HYAL1: variants seen among roughly 807,000 people sequenced by gnomAD.
HYAL1 encodes the protein hyaluronidase 1.
HYAL1 carries 21 observed loss-of-function variants against 28.8 expected under a neutral mutation model. The observed-to-expected ratio is 0.73, with a 90% CI of 0.52 to 1.05. The LOEUF (loss-of-function observed/expected upper bound fraction) is 1.05, where lower values mean the gene tolerates loss of function less well. HYAL1 is among the 50% of genes least tolerant of loss of function. The probability of loss-of-function intolerance (pLI) is 0.00; values close to 1 mark genes in which losing one functional copy is unlikely to be tolerated. For missense variants in HYAL1, 491 were observed against 579.2 expected, an observed-to-expected ratio of 0.85 and a Z score of 1.56; for synonymous variants, 200 against 230.1, an observed-to-expected ratio of 0.87 and a Z score of 1.18.
Position 50,301,094 on chromosome 3 carries a change from A to G in HYAL1, c.901-17T>C. ...CAGCTCATCCTGGGAAGGAGACAGC[A>G]CAGCTCTGTGGGGCCTCCTTCCCAC... On this transcript the variant is annotated splice_polypyrimidine_tract_variant and intron_variant, in intron 2 of 3. Transcript: ENST00000395144. 6.4e-7 allele frequency: 1 copy of G among 1,571,892 alleles called. No individual in the cohort carries two copies. Among genetic ancestry groups the G allele is most frequent in the Non-Finnish European group, 8.8e-7 (1 of 1,142,322 alleles).
At chr3:50,308,456 A>T (rs920288790), upstream of HYAL1, among the ~76,000 whole-genome samples, 7 of 149,148 alleles carry the variant, frequency 4.7e-5, 1 homozygote, top group African/African-American at 1.8e-4. Flanking sequence ...TATTATTATT[A>T]TTATTTTTTG....
chr3:50,307,044 T>C (rs1702345504), upstream of HYAL1, among the ~76,000 whole-genome samples: 1 of 149,004 alleles, frequency 6.7e-6, no homozygotes, highest in Non-Finnish European at 1.5e-5. Flanking sequence ...CCCTCTAGCC[T>C]GGGTGACAGA....
intron 1 of HYAL1, among the ~76,000 whole-genome samples, chr3:50,311,708 C>T (rs587721247): frequency 5.1e-4 from 75 of 146,818 alleles, no homozygotes; most frequent in African/African-American, 1.7e-3. Flanking sequence ...GGCGGCAGGC[C>T]GGGCGTGGGG....
rs185595743 is a variant in HYAL1 at position 50,310,518 on chromosome 3, G to A, written c.-309-741C>T. On this transcript the variant is annotated intron_variant, in intron 1 of 5. Transcript: ENST00000320295. ...CCTGACCTCGTGATCTGCCCGCCTC[G>A]GCCTCCCAAAGTGCTGGGATTACAG... Among the ~76,000 whole-genome samples the A allele has an allele frequency of 2.0e-3, 290 of 145,130 alleles. 17 individuals carry two copies. Among genetic ancestry groups the A allele is most frequent in the African/African-American group, 7.8e-3 (277 of 35,486 alleles).
chr3:50,309,081 TG>T (rs1702396085), intron 2 of HYAL1, among the ~76,000 whole-genome samples: 1 of 151,374 alleles, frequency 6.6e-6, no homozygotes, highest in African/African-American at 2.5e-5. Context: ...GGAGCATATT[TG>T]TTTCTCTACC....
upstream of HYAL1, among the ~76,000 whole-genome samples, chr3:50,308,409 G>T (rs1225384484): frequency 6.6e-6 from 1 of 151,140 alleles, no homozygotes; most frequent in African/African-American, 2.5e-5. Context: ...TTACAGGCGT[G>T]AGCCACCATG....
Position 50,302,806 on chromosome 3 carries a change from C to T in HYAL1, c.151G>A (p.Val51Met), listed in dbSNP as rs587663959. Reference sequence around the variant, plus strand: ...ACCACATCGAAGACACTGACATCCACGTCCACACCGTGCCTCTCCAGGCAC... The same window carrying T: ...ACCACATCGAAGACACTGACATCCATGTCCACACCGTGCCTCTCCAGGCAC... ...QWCLERHGVDVDVSVFDVVAN... is the reference protein window; with the variant it reads ...QWCLERHGVDMDVSVFDVVAN... Residue 51 changes from valine (V) to methionine (M), a missense_variant, in exon 2 of 4, where the codon GTG becomes ATG. Val to Met is a conservative substitution (Grantham distance 21, BLOSUM62 1). Coordinates refer to ENST00000395144, the MANE Select transcript of HYAL1 (RefSeq NM_033159.4). The surrounding 1 kb of genome is among the most constrained non-coding windows in gnomAD (Gnocchi z 5.0). 3.6e-5 allele frequency: 58 copies of T among 1,614,078 alleles called. No individual in the cohort carries two copies. The highest frequency in any genetic ancestry group is 5.0e-5 in the Admixed American group (3 of 60,032).
chr3:50,311,996 CG>C (rs1702476050), intron 1 of HYAL1, among the ~76,000 whole-genome samples: 2 of 135,294 alleles, frequency 1.5e-5, no homozygotes, highest in Admixed American at 1.5e-4. Context: ...ATCTCCCGGA[CG>C]GGGCGGCTGG....
chr3:50,304,643 C>T (rs1702301049), upstream of HYAL1, among the ~76,000 whole-genome samples: 1 of 151,702 alleles, frequency 6.6e-6, no homozygotes, highest in African/African-American at 2.4e-5. Context: ...GGCCCTAGGC[C>T]TTGGGTCTAT....
Position 50,303,565 on chromosome 3 carries a change from T to G in HYAL1, c.-124A>C, listed in dbSNP as rs28365992. ...CCACCCCAGCTGCACCAGAGACTCCTGGAGGAAGGAGCCGCTGCTGGAAAT... is the reference window on the plus strand; with the variant it reads ...CCACCCCAGCTGCACCAGAGACTCCGGGAGGAAGGAGCCGCTGCTGGAAAT... On this transcript the variant is annotated 5_prime_UTR_variant, in exon 1 of 4. Transcript: ENST00000395144. 1 of 152,328 alleles carries G rather than the reference T, an allele frequency of 6.6e-6. No individual in the cohort carries two copies. Among genetic ancestry groups the G allele is most frequent in the Admixed American group, 6.5e-5 (1 of 15,284 alleles). The allele number at this position is 152,328 out of a possible 1,614,324, so 9.4% of individuals were successfully genotyped here.
intron 1 of HYAL1, among the ~76,000 whole-genome samples, chr3:50,310,999 T>C (rs1420196114): frequency 6.6e-6 from 1 of 152,172 alleles, no homozygotes; most frequent in Non-Finnish European, 1.5e-5. Context: ...CACGTCTACA[T>C]CTTTCTACAC....
At chr3:50,304,301 ATATATATAT>A (rs1702291336), upstream of HYAL1, among the ~76,000 whole-genome samples, 2 of 31,974 alleles carry the variant, frequency 6.3e-5, no homozygotes, top group African/African-American at 3.2e-4. Context: ...AAAAAAATAT[ATATATATAT>A]ATATATATAT....
rs370239620 is a variant in HYAL1, at chr3:50,302,933, G to A, written c.24C>T (p.Ile8=). 2 of 1,578,330 alleles carry A rather than the reference G, an allele frequency of 1.3e-6. No individual in the cohort carries two copies. Among genetic ancestry groups the A allele is most frequent in the Non-Finnish European group, 1.7e-6 (2 of 1,158,558 alleles). MAAHLLP[I]CALFLTLLDM... is the part of the protein sequence containing the mutation. ...CGAGTAAGGTCAGGAAGAGGGCGCA[G>A]ATGGGAAGCAGGTGGGCTGCCATGG... Residue 8 remains isoleucine, a synonymous_variant, in exon 2 of 4, where the codon ATC becomes ATT. Transcript: ENST00000395144. This position sits in a 1 kb window ranked among gnomAD's most constrained non-coding sequence, Gnocchi z 5.0.
In HYAL1 at chr3:50,311,906, T is replaced by A. The variant is rs9682667; in HGVS notation, c.-310+358A>T. On this transcript the variant is annotated intron_variant, in intron 1 of 5. Transcript: ENST00000320295. The stretch of plus-strand genomic sequence containing the variant: ...GGCCGGGCGGGGGGCTGATCCCCCC[T>A]CCCCTCACGGATGGGGTGGCTGGCC... Among the ~76,000 whole-genome samples, 18 of 128,944 alleles carry A rather than the reference T, an allele frequency of 1.4e-4. No homozygotes were observed. In the South Asian group the frequency reaches 3.7e-3, roughly 27 times the overall value. The allele number at this position is 128,944 out of a possible 152,430, so 84.6% of individuals were successfully genotyped here.
At chr3:50,308,046 C>T (rs1471876526), upstream of HYAL1, among the ~76,000 whole-genome samples, 1 of 151,168 alleles carries the variant, frequency 6.6e-6, no homozygotes, top group Non-Finnish European at 1.5e-5. Flanking sequence ...CCACCTGCCT[C>T]GGCCTCCAGA....
chr3:50,300,747 G>A lies in HYAL1; in HGVS notation c.1044C>T (p.Ile348=), dbSNP rs372595265. 9 of 1,614,086 alleles carry A rather than the reference G, an allele frequency of 5.6e-6. No individual in the cohort carries two copies. Among genetic ancestry groups the A allele is most frequent in the Non-Finnish European group, 7.6e-6 (9 of 1,180,008 alleles). ...GAAGGGCCCCACTGGTCACGTTCAG[G>A]ATGAAGGGCCCCAGTGTAGTGTCCA... is the stretch of plus-strand genomic sequence containing the variant. ...EYMDTTLGPF[I]LNVTSGALLC... Residue 348 remains isoleucine (I), a synonymous_variant, in exon 4 of 4, where the codon ATC becomes ATT. Coordinates refer to ENST00000395144, the MANE Select transcript of HYAL1 (RefSeq NM_033159.4).
Position 50,302,422 on chromosome 3 carries a change from C to T in HYAL1, c.535G>A (p.Ala179Thr). Residue 179 changes from alanine to threonine, a missense_variant, in exon 2 of 4, where the codon GCA becomes ACA. By Grantham distance (58) the Ala-to-Thr change is moderately conservative. Transcript: ENST00000395144. This position sits in a 1 kb window ranked among gnomAD's most constrained non-coding sequence, Gnocchi z 5.0. ...AVAQDQFQGA[A>T]RAWMAGTLQL... Reference sequence around the variant, plus strand: ...AGGGTGCCTGCCATCCAGGCCCGTGCAGCTCCCTGGAACTGGTCCTGGGCT... The same window carrying T: ...AGGGTGCCTGCCATCCAGGCCCGTGTAGCTCCCTGGAACTGGTCCTGGGCT... 6.2e-7 allele frequency: 1 copy of T among 1,613,890 alleles called. No homozygotes were observed. Among genetic ancestry groups the T allele is most frequent in the Non-Finnish European group, 8.5e-7 (1 of 1,179,924 alleles).
At chr3:50,306,769 C>T (rs1702341127), upstream of HYAL1, among the ~76,000 whole-genome samples, 1 of 150,606 alleles carries the variant, frequency 6.6e-6, no homozygotes. Context: ...GCCTGTAATC[C>T]CAGCTACTCA....
Position 50,302,605 on chromosome 3 carries a change from G to T in HYAL1, c.352C>A (p.Pro118Thr). ...RTFQDILAAIPAPDFSGLAVI... is the reference protein window; with the variant it reads ...RTFQDILAAITAPDFSGLAVI... Reference sequence around the variant, plus strand: ...GCCAGCCCTGAGAAGTCAGGAGCAGGTATGGCAGCCAGGATGTCCTGGAAT... The same window carrying T: ...GCCAGCCCTGAGAAGTCAGGAGCAGTTATGGCAGCCAGGATGTCCTGGAAT... Residue 118 changes from proline (P) to threonine (T), a missense_variant, in exon 2 of 4, where the codon CCT (proline) becomes ACT (threonine). Coordinates refer to ENST00000395144, the MANE Select transcript of HYAL1 (RefSeq NM_033159.4). This position sits in a 1 kb window ranked among gnomAD's most constrained non-coding sequence, Gnocchi z 5.0. 2 of 1,614,184 alleles carry T rather than the reference G, an allele frequency of 1.2e-6. No homozygotes were observed. The highest frequency in any genetic ancestry group is 1.7e-6 in the Non-Finnish European group (2 of 1,180,036).
Sources: allele counts gnomAD v4.1 joint callset (sites outside exome capture counted in the v4.1 genomes callset), GRCh38; gene constraint gnomAD v4.1.1; non-coding constraint Gnocchi (gnomAD v3.1); transcripts MANE v1.5; gene names NCBI Gene and HGNC (gene_info 2026-07-23, HGNC 2026-07-21).